DGKB: variants seen among roughly 807,000 people sequenced by gnomAD.
The protein encoded by DGKB is diacylglycerol kinase beta.
DGKB carries 67 observed loss-of-function variants against 114.3 expected under a neutral mutation model. That is an observed-to-expected ratio of 0.59 (90% CI 0.48 to 0.72). DGKB has a LOEUF of 0.72. Ranked by LOEUF, DGKB falls within the 30% of genes least tolerant of loss-of-function variation. DGKB has a pLI of 0.00. For synonymous variants in DGKB, 398 were observed against 323.1 expected (o/e 1.23, Z -2.49); for missense variants, 907 against 975.2 (o/e 0.93, Z 0.93).
At chr7:14,942,349 C>G (rs2128255273) in intron 1 of DGKB, among the ~76,000 whole-genome samples, 1 of 152,066 alleles carries the variant, frequency 6.6e-6, no homozygotes, top group East Asian at 1.9e-4. Flanking sequence ...ACGATATATT[C>G]AGCAACAGGA....
chr7:14,394,959 C>T (rs1821997764), intron 21 of DGKB, among the ~76,000 whole-genome samples: 1 of 151,996 alleles, frequency 6.6e-6, no homozygotes, highest in East Asian at 1.9e-4. Flanking sequence ...TAGAAAATAC[C>T]ACTGCCAGGA....
chr7:14,597,845 C>A (rs572491143), intron 17 of DGKB, among the ~76,000 whole-genome samples: 9 of 151,998 alleles, frequency 5.9e-5, no homozygotes, highest in Admixed American at 5.3e-4. Context: ...TGTGTGCATG[C>A]ATGTGTACAA....
At chr7:14,948,951 AATGATATATTGC>A (rs1322110300) in intron 1 of DGKB, among the ~76,000 whole-genome samples, 5 of 151,848 alleles carry the variant, frequency 3.3e-5, no homozygotes, top group African/African-American at 1.2e-4. Flanking sequence ...GAAACAACTA[AATGATATATTGC>A]AAGATATAAT....
rs370777281 is a variant in DGKB at position 14,586,820 on chromosome 7, T to G, written c.1434-3683A>C. 4.0e-5 allele frequency among the ~76,000 whole-genome samples: 6 copies of G among 151,352 alleles called. No homozygotes were observed. In the Admixed American group the frequency reaches 4.0e-4, roughly 10 times the overall value. On this transcript the variant is annotated intron_variant, in intron 17 of 25. Transcript: ENST00000402815. ...CGCATTTCTTTACAGCATGGTTTACTGAGTATTTTAAGTCCACGACTGAGA... is the reference window on the plus strand; with the variant it reads ...CGCATTTCTTTACAGCATGGTTTACGGAGTATTTTAAGTCCACGACTGAGA...
chr7:14,528,991 C>G (rs998423164), intron 20 of DGKB, among the ~76,000 whole-genome samples: 1 of 151,960 alleles, frequency 6.6e-6, no homozygotes, highest in African/African-American at 2.4e-5. Flanking sequence ...TAAACCCAAT[C>G]AAGGGGGTAG....
chr7:14,968,870 T>C (rs938859987), intron 1 of DGKB, among the ~76,000 whole-genome samples: 1 of 152,226 alleles, frequency 6.6e-6, no homozygotes, highest in Non-Finnish European at 1.5e-5. Flanking sequence ...ATGCAAATAA[T>C]GTGATGTATT....
chr7:14,441,878 T>C (rs1049336607), intron 21 of DGKB, among the ~76,000 whole-genome samples: 1 of 152,078 alleles, frequency 6.6e-6, no homozygotes, highest in Non-Finnish European at 1.5e-5. Context: ...TATCCTGATA[T>C]TGAGTCATCC....
At chr7:14,227,266 C>G (rs1790950152) in intron 23 of DGKB, among the ~76,000 whole-genome samples, 1 of 151,908 alleles carries the variant, frequency 6.6e-6, no homozygotes, top group Admixed American at 6.6e-5. Flanking sequence ...ATATAGTTGC[C>G]CAAACTTCAT....
intron 25 of DGKB, among the ~76,000 whole-genome samples, chr7:14,152,859 C>T (rs1318995430): frequency 6.6e-6 from 1 of 152,032 alleles, no homozygotes; most frequent in African/African-American, 2.4e-5. Flanking sequence ...TAAAAAATAA[C>T]GTTGATCTGG....
chr7:14,518,471 T>C (rs1347137653), intron 20 of DGKB, among the ~76,000 whole-genome samples: 1 of 151,276 alleles, frequency 6.6e-6, no homozygotes, highest in Non-Finnish European at 1.5e-5. Context: ...AACCTAAAAG[T>C]TAAAAAAAAA....
chr7:14,793,104 G>C (rs1840914308), intron 2 of DGKB, among the ~76,000 whole-genome samples: 1 of 152,098 alleles, frequency 6.6e-6, no homozygotes, highest in Non-Finnish European at 1.5e-5. Flanking sequence ...ACACATTTTA[G>C]AGGAAAGAAG....
At chr7:14,655,024 A>G (rs1815472246) in intron 13 of DGKB, among the ~76,000 whole-genome samples, 1 of 151,870 alleles carries the variant, frequency 6.6e-6, no homozygotes, top group African/African-American at 2.4e-5. Flanking sequence ...AGAAAAATGG[A>G]CAAACAAGAC....
intron 13 of DGKB, among the ~76,000 whole-genome samples, chr7:14,643,400 A>C (rs1356144287): frequency 6.6e-6 from 1 of 152,180 alleles, no homozygotes; most frequent in African/African-American, 2.4e-5. Context: ...CCTGGGACCA[A>C]AGCTGATGCA....
At chr7:14,345,503 G>A (rs1812335083) in intron 21 of DGKB, 112 bp from the exon 22 acceptor site, 1 of 582,572 alleles carries the variant, frequency 1.7e-6, no homozygotes, top group Non-Finnish European at 3.0e-6. Context: ...GAGGACATGT[G>A]ACATCTAAAA....
intron 15 of DGKB, among the ~76,000 whole-genome samples, chr7:14,616,434 T>G (rs1368652337): frequency 6.6e-6 from 1 of 151,674 alleles, no homozygotes; most frequent in Non-Finnish European, 1.5e-5. Context: ...TTTAGAATTT[T>G]TACTTTCACA....
intron 12 of DGKB, among the ~76,000 whole-genome samples, chr7:14,675,188 T>C (rs1160994729): frequency 6.6e-6 from 1 of 152,118 alleles, no homozygotes; most frequent in African/African-American, 2.4e-5. Context: ...TATTCTTGAT[T>C]ACAGTGTAAA....
chr7:14,233,215 G>C (rs995409534), intron 23 of DGKB, among the ~76,000 whole-genome samples: 2 of 151,990 alleles, frequency 1.3e-5, no homozygotes, highest in African/African-American at 4.8e-5. Flanking sequence ...AGAAAAAAGG[G>C]ACATAGAAAG....
At chr7:14,348,412 C>T (rs556585148) in intron 21 of DGKB, among the ~76,000 whole-genome samples, 9 of 151,538 alleles carry the variant, frequency 5.9e-5, no homozygotes, top group Non-Finnish European at 8.8e-5. Context: ...TCTGATGATT[C>T]GGCAGTAAAA....
At chr7:14,773,286 A>T (rs1378550018) in intron 2 of DGKB, among the ~76,000 whole-genome samples, 6 of 152,006 alleles carry the variant, frequency 3.9e-5, no homozygotes, top group Non-Finnish European at 8.8e-5. Flanking sequence ...TACTTGGGAA[A>T]ATTTGGTTGG....
Sources: allele counts gnomAD v4.1 joint callset (sites outside exome capture counted in the v4.1 genomes callset), GRCh38; gene constraint gnomAD v4.1.1; transcripts MANE v1.5; gene names NCBI Gene and HGNC (gene_info 2026-07-23, HGNC 2026-07-21).